ADH6: variants seen among roughly 807,000 people sequenced by gnomAD.
ADH6 encodes alcohol dehydrogenase 6 (class V).
Under a neutral mutation model 36.5 loss-of-function variants are expected in ADH6, and 34 were observed. The observed-to-expected ratio is 0.93, with a 90% CI of 0.71 to 1.24. The LOEUF (loss-of-function observed/expected upper bound fraction) is 1.24, where lower values mean the gene tolerates loss of function less well. ADH6 is among the 50% of genes most tolerant of loss of function. ADH6 has a pLI of 0.00. For missense variants in ADH6, 440 were observed against 447.0 expected (o/e 0.98, Z 0.14); for synonymous variants, 161 against 155.5 (o/e 1.04, Z -0.26).
intron 3 of ADH6, among the ~76,000 whole-genome samples, chr4:99,212,870 GT>G (rs757871491): frequency 6.6e-6 from 1 of 150,728 alleles, no homozygotes; most frequent in South Asian, 2.1e-4. Context: ...GACTTTTGGG[GT>G]TTTTTTTAAA....
rs929733604 is a variant in ADH6 at position 99,214,640 on chromosome 4, G to A, written c.121-893C>T. Among the ~76,000 whole-genome samples, 4 of 152,104 alleles carry A rather than the reference G, an allele frequency of 2.6e-5. No homozygotes were observed. In the South Asian group the frequency reaches 8.3e-4, roughly 32 times the overall value. ...CCTTCTCAGCTGTGTGAACTTGGGG[G>A]TAAATTTTTCTTTCTGGGTCTCAGT... On this transcript the variant is annotated intron_variant, in intron 2 of 8. Coordinates refer to ENST00000394899, the MANE Select transcript of ADH6 (RefSeq NM_001102470.2).
At chr4:99,208,213 C>G (rs1731104181) in intron 6 of ADH6, among the ~76,000 whole-genome samples, 1 of 152,106 alleles carries the variant, frequency 6.6e-6, no homozygotes, top group Admixed American at 6.6e-5. Flanking sequence ...CCAAAGAAAA[C>G]AAGCCTTAGA....
In ADH6 at chr4:99,217,202, AT is replaced by A. The variant is rs962294772; in HGVS notation, c.19-941del. Among the ~76,000 whole-genome samples the A allele has an allele frequency of 3.8e-3, 583 of 151,640 alleles. 4 individuals are homozygous for A. Among genetic ancestry groups the A allele is most frequent in the Middle Eastern group, 0.014 (4 of 294 alleles). The stretch of plus-strand genomic sequence containing the variant: ...AGGCGCCCACCACCACGCCTGGCTA[AT>A]TTTTTTGTATTTTTAGTAGAGACGG... On this transcript the variant is annotated intron_variant, in intron 1 of 8. Coordinates refer to ENST00000394899, the MANE Select transcript of ADH6 (RefSeq NM_001102470.2).
Position 99,213,684 on chromosome 4 carries a change from A to G in ADH6, c.184T>C (p.Leu62=), listed in dbSNP as rs762077014. 6.2e-7 allele frequency: 1 copy of G among 1,613,926 alleles called. No individual in the cohort carries two copies. ...KVLGSKHLDL[L]YPTILGHEGA... ...TCATGGCCCAAGATGGTGGGATACA[A>G]GAGGTCCAAGTGTTTACTCCCCAAC... Residue 62 remains leucine (L), a synonymous_variant, in exon 3 of 9, where the codon TTG becomes CTG. Transcript: ENST00000394899.
intron 1 of ADH6, among the ~76,000 whole-genome samples, chr4:99,217,752 A>G (rs1269904325): frequency 6.6e-6 from 1 of 152,186 alleles, no homozygotes; most frequent in South Asian, 2.1e-4. Flanking sequence ...TGCAGGTGTC[A>G]TACTTTTTAT....
chr4:99,216,209 A>G lies in ADH6; in HGVS notation c.72T>C (p.Ile24=). The change falls in exon 2 of 9, where the codon ATT becomes ATC. Residue 24 remains isoleucine, a synonymous_variant. Transcript: ENST00000394899. The part of the protein sequence containing the change: ...ILWKPGAPFS[I]EEVEVAPPKA... ...TTGGTGGGGCCACTTCTACCTCTTC[A>G]ATAGAAAATGGTGCACCAGGCTTCC... is the stretch of plus-strand genomic sequence containing the variant. 2 of 1,579,796 alleles carry G rather than the reference A, an allele frequency of 1.3e-6. No individual in the cohort carries two copies. The highest frequency in any genetic ancestry group is 2.3e-5 in the South Asian group (2 of 85,672).
intron 2 of ADH6, among the ~76,000 whole-genome samples, chr4:99,215,298 T>C (rs1408575231): frequency 6.6e-6 from 1 of 152,208 alleles, no homozygotes; most frequent in Non-Finnish European, 1.5e-5. Flanking sequence ...CTCTTTGTAA[T>C]CTATCATTAA....
At position 99,210,433 on chromosome 4, in the gene ADH6, T is replaced by A. The variant is rs1731184268; in HGVS notation, c.332A>T (p.Asn111Ile). The change falls in exon 4 of 9, where the codon AAT becomes ATT. Residue 111 changes from asparagine to isoleucine, a missense_variant. By Grantham distance (149) the Asn-to-Ile change is moderately radical (BLOSUM62 -3). Transcript: ENST00000394899. Reference protein sequence around the residue: ...ECTSCLNSEGNFCIQFKQSKT... With the variant: ...ECTSCLNSEGIFCIQFKQSKT... Reference sequence around the variant, plus strand: ...AACTTACTTGAATTGTATACAAAAATTGCCCTCAGAATTCAGGCAAGAGGT... The same window carrying A: ...AACTTACTTGAATTGTATACAAAAAATGCCCTCAGAATTCAGGCAAGAGGT... The A allele has an allele frequency of 1.2e-6, 2 of 1,611,278 alleles. No homozygotes were observed. Among genetic ancestry groups the A allele is most frequent in the South Asian group, 2.2e-5 (2 of 90,866 alleles).
rs1731140856 is a variant in ADH6 at position 99,209,237 on chromosome 4, T to A, written c.568-309A>T. Among the ~76,000 whole-genome samples, 4 of 152,246 alleles carry A rather than the reference T, an allele frequency of 2.6e-5. No individual in the cohort carries two copies. In the South Asian group the frequency reaches 8.3e-4, roughly 32 times the overall value. On this transcript the variant is annotated intron_variant, in intron 5 of 8. Transcript: ENST00000394899. ...AGACTTACTTGACAGTGTATTTAAT[T>A]CCAGATATTTTTGAGTTCTTTAAAA... is the stretch of plus-strand genomic sequence containing the variant.
chr4:99,208,670 G>GATTCC lies in ADH6; in HGVS notation c.825_826insGGAAT (p.Leu276GlyfsTer42). The stretch of plus-strand genomic sequence containing the variant: ...TTTCACTCCAGAGGATTACATACCA[G>GATTCC]AACGTCCAGATTTCCAATGGCCTCA... On this transcript the variant is annotated frameshift_variant, in exon 6 of 9. Transcript: ENST00000394899. LOFTEE classifies it high-confidence loss of function. 6.2e-7 allele frequency: 1 copy of GATTCC among 1,612,276 alleles called. No homozygotes were observed. The highest frequency in any genetic ancestry group is 8.5e-7 in the Non-Finnish European group (1 of 1,179,078).
At chr4:99,218,072 T>C (rs574747483) in intron 1 of ADH6, among the ~76,000 whole-genome samples, 1 of 152,362 alleles carries the variant, frequency 6.6e-6, no homozygotes, top group East Asian at 1.9e-4. Flanking sequence ...GTAAACTATA[T>C]TTATGGGACA....
chr4:99,217,184 C>T (rs1027570220), intron 1 of ADH6, among the ~76,000 whole-genome samples: 32 of 152,192 alleles, frequency 2.1e-4, no homozygotes, highest in Admixed American at 9.8e-4. Context: ...TACAGGCGCC[C>T]ACCACCACGC....
chr4:99,216,135 ATTTTTTT>A lies in ADH6; in HGVS notation c.120+19_120+25del, dbSNP rs34008565. 1.4e-4 allele frequency: 124 copies of A among 865,018 alleles called. No homozygotes were observed. The highest frequency in any genetic ancestry group is 2.9e-4 in the South Asian group (10 of 34,678). The allele number at this position is 865,018 out of a possible 1,614,324, so 53.6% of individuals were successfully genotyped here. ...GCTCTGGCTTTTGGCTTTTGGTGTG[ATTTTTTT>A]TTTTTTTTTTTTTTTTACCTTTATG... On this transcript the variant is annotated intron_variant, in intron 2 of 8. Transcript: ENST00000394899.
chr4:99,204,884 G>T, intron 8 of ADH6, 41 bp downstream of exon 8: 1 of 1,571,070 alleles, frequency 6.4e-7, no homozygotes, highest in Non-Finnish European at 8.6e-7. Context: ...CTTTCTCTTG[G>T]TCTCAAACAC....
chr4:99,205,178 C>A, intron 7 of ADH6, 115 bp from the exon 8 acceptor site: 3 of 1,128,960 alleles, frequency 2.7e-6, no homozygotes, highest in South Asian at 1.8e-5. Context: ...AAGCCTGTCC[C>A]GTTTACTTGC....
At chr4:99,216,291 A>G (rs1449688209) in intron 1 of ADH6, 29 bp from the exon 2 acceptor site, 16 of 1,440,176 alleles carry the variant, frequency 1.1e-5, no homozygotes, top group Non-Finnish European at 1.5e-5. Context: ...GGGCAGAAAG[A>G]GAAGCTCCTT....
At chr4:99,205,195 C>G (rs1472622500) in intron 7 of ADH6, 132 bp from the exon 8 acceptor site, 3 of 953,652 alleles carry the variant, frequency 3.1e-6, no homozygotes, top group Non-Finnish European at 4.5e-6. Context: ...TTGCCTCAAT[C>G]ATCAGGAGAA....
chr4:99,206,631 C>T (rs1383025138), intron 7 of ADH6, among the ~76,000 whole-genome samples: 2 of 151,204 alleles, frequency 1.3e-5, no homozygotes, highest in African/African-American at 4.9e-5. Flanking sequence ...GGTAAGGCTT[C>T]TAATATCTGT....
Position 99,214,239 on chromosome 4 carries a change from C to G in ADH6, c.121-492G>C, listed in dbSNP as rs553260626. Among the ~76,000 whole-genome samples the G allele has an allele frequency of 3.9e-5, 6 of 152,130 alleles. No individual in the cohort carries two copies. The East Asian group carries it at 9.7e-4, about 25-fold the overall frequency. On this transcript the variant is annotated intron_variant, in intron 2 of 8. Coordinates refer to ENST00000394899, the MANE Select transcript of ADH6 (RefSeq NM_001102470.2). ...GACCTCCATCTCTACAATAAATAAA[C>G]AAATTAGCCAGGCATGGTTGCATGC...
Sources: gnomAD v4.1 joint callset for allele counts (sites outside exome capture counted in the v4.1 genomes callset) on GRCh38, gnomAD v4.1.1 for gene constraint, MANE v1.5 for transcripts, NCBI Gene and HGNC (gene_info 2026-07-23, HGNC 2026-07-21) for gene names.